The following HEMK2 variants were observed in gnomAD, a reference collection of about 807,000 sequenced individuals.
HEMK2 encodes HemK methyltransferase 2, ETF1 glutamine and histone H4 lysine, also known as methyltransferase HEMK2.
the HEMK2 span, among the ~76,000 whole-genome samples, chr21:28,588,766 A>C: frequency 6.6e-6 from 1 of 151,880 alleles, no homozygotes; most frequent in Non-Finnish European, 1.5e-5. Flanking sequence ...GTCGGATCAC[A>C]AGGTCAGGAG....
the HEMK2 span, among the ~76,000 whole-genome samples, chr21:28,732,375 A>G: frequency 6.6e-6 from 1 of 152,240 alleles, no homozygotes; most frequent in Non-Finnish European, 1.5e-5. Flanking sequence ...TAACTGATGA[A>G]TAAAGCAGAA....
chr21:28,753,356 CAAA>C, the HEMK2 span, among the ~76,000 whole-genome samples: 351 of 117,060 alleles, frequency 3.0e-3, 3 homozygotes, highest in African/African-American at 9.0e-3. Context: ...GACTCTGTCT[CAAA>C]AAAAAAAAAA....
At chr21:28,861,839 G>A in the HEMK2 span, among the ~76,000 whole-genome samples, 2 of 152,188 alleles carry the variant, frequency 1.3e-5, no homozygotes, top group African/African-American at 4.8e-5. Context: ...GGAAGTGGAA[G>A]TGGCACCACT....
At chr21:28,796,405 G>A in the HEMK2 span, among the ~76,000 whole-genome samples, 33 of 152,284 alleles carry the variant, frequency 2.2e-4, no homozygotes, top group South Asian at 5.4e-3. Flanking sequence ...CTCCCAAAGC[G>A]CTGGGATTAC....
At chr21:28,736,828 A>G in the HEMK2 span, among the ~76,000 whole-genome samples, 1 of 151,910 alleles carries the variant, frequency 6.6e-6, no homozygotes, top group African/African-American at 2.4e-5. Flanking sequence ...GCAGGTGCGA[A>G]AGAAATAAAA....
the HEMK2 span, among the ~76,000 whole-genome samples, chr21:28,880,949 A>AG: frequency 1.3e-3 from 183 of 139,772 alleles, 19 homozygotes; most frequent in South Asian, 4.6e-3. Flanking sequence ...AAAAAAAAAA[A>AG]AAACCGGAAA....
chr21:28,838,972 A>AAAAAAAAAAATCT, the HEMK2 span, among the ~76,000 whole-genome samples: 1 of 29,164 alleles, frequency 3.4e-5, no homozygotes, highest in Non-Finnish European at 5.6e-5. Context: ...AAAAAAAAAA[A>AAAAAAAAAAATCT]ATATATATAT....
chr21:28,861,079 T>G, the HEMK2 span, among the ~76,000 whole-genome samples: 3 of 152,228 alleles, frequency 2.0e-5, no homozygotes, highest in Non-Finnish European at 4.4e-5. Flanking sequence ...CCTTGACCAA[T>G]GTCTTGCGAA....
At chr21:28,857,445 T>C in the HEMK2 span, among the ~76,000 whole-genome samples, 17 of 151,858 alleles carry the variant, frequency 1.1e-4, no homozygotes, top group Non-Finnish European at 1.9e-4. Context: ...ATGATTCTTT[T>C]CTGTATAACT....
chr21:28,601,252 G>T, the HEMK2 span, among the ~76,000 whole-genome samples: 1 of 152,080 alleles, frequency 6.6e-6, no homozygotes, highest in African/African-American at 2.4e-5. Flanking sequence ...CTCACTGGGC[G>T]CAAACCTCCA....
the HEMK2 span, chr21:28,876,279 TA>T: frequency 1.4e-6 from 1 of 734,820 alleles, no homozygotes; most frequent in South Asian, 2.5e-5. Context: ...TACCTTTTTT[TA>T]ATGACAAATT....
the HEMK2 span, among the ~76,000 whole-genome samples, chr21:28,771,986 CAACA>C: frequency 6.6e-6 from 1 of 151,902 alleles, no homozygotes; most frequent in African/African-American, 2.4e-5. Context: ...AAAATGAAGA[CAACA>C]AACCTGTAAC....
At chr21:28,782,169 A>C in the HEMK2 span, among the ~76,000 whole-genome samples, 1 of 152,214 alleles carries the variant, frequency 6.6e-6, no homozygotes, top group Non-Finnish European at 1.5e-5. Flanking sequence ...TGTGTTCCCA[A>C]GTGACAGTGA....
At chr21:28,715,304 A>AT in the HEMK2 span, among the ~76,000 whole-genome samples, 171 of 147,616 alleles carry the variant, frequency 1.2e-3, no homozygotes, top group Middle Eastern at 6.9e-3. Context: ...AGCATCTGTT[A>AT]TTTTTTTTTT....
At chr21:28,881,771 A>G in the HEMK2 span, among the ~76,000 whole-genome samples, 5 of 151,954 alleles carry the variant, frequency 3.3e-5, no homozygotes, top group Non-Finnish European at 7.4e-5. Context: ...AGCTGGCACG[A>G]CAGGTGCGCA....
chr21:28,872,917 T>C, the HEMK2 span: 80,152 of 152,108 alleles, frequency 0.53, 23,984 homozygotes, highest in African/African-American at 0.8. Context: ...ATGCAAATCT[T>C]GTCTGTAAAC....
At chr21:28,826,955 C>T in the HEMK2 span, among the ~76,000 whole-genome samples, 8 of 152,020 alleles carry the variant, frequency 5.3e-5, no homozygotes, top group South Asian at 2.1e-4. Flanking sequence ...CAGAGGGATC[C>T]GACGAGGAGA....
At chr21:28,589,304 T>C in the HEMK2 span, among the ~76,000 whole-genome samples, 28 of 152,094 alleles carry the variant, frequency 1.8e-4, no homozygotes, top group Admixed American at 6.6e-5. Flanking sequence ...TTTCAACATA[T>C]GCAGTTTTTT....
the HEMK2 span, among the ~76,000 whole-genome samples, chr21:28,762,931 C>G: frequency 4.6e-5 from 7 of 152,224 alleles, no homozygotes; most frequent in Non-Finnish European, 4.4e-5. Flanking sequence ...ATTAAATTAT[C>G]TATGTAACTA....
Sources: allele counts gnomAD v4.1 joint callset (sites outside exome capture counted in the v4.1 genomes callset), GRCh38; gene constraint gnomAD v4.1.1; transcripts MANE v1.5; gene names NCBI Gene and HGNC (gene_info 2026-07-23, HGNC 2026-07-21).